CACNB2: variants seen among roughly 807,000 people sequenced by gnomAD.
CACNB2 encodes voltage-dependent L-type calcium channel subunit beta-2.
CACNB2 carries 42 observed loss-of-function variants against 73.3 expected under a neutral mutation model. The ratio of observed to expected loss-of-function variants is 0.57; its 90% CI spans 0.45 to 0.74. The LOEUF is 0.74. Among genes scored for constraint, CACNB2 ranks in the 30% least tolerant of loss-of-function variants. The pLI is 0.00. For synonymous variants in CACNB2, 348 were observed against 310.3 expected, an observed-to-expected ratio of 1.12 and a Z score of -1.28; for missense variants, 940 against 853.0, an observed-to-expected ratio of 1.10 and a Z score of -1.27.
intron 5 of CACNB2, among the ~76,000 whole-genome samples, chr10:18,501,631 G>C (rs552451872): frequency 6.6e-6 from 1 of 152,240 alleles, no homozygotes; most frequent in Non-Finnish European, 1.5e-5. Context: ...GTCTAAGGAC[G>C]CAGCATGCCT....
chr10:18,481,642 C>T (rs2048783886), intron 3 of CACNB2, among the ~76,000 whole-genome samples: 1 of 152,022 alleles, frequency 6.6e-6, no homozygotes, highest in Non-Finnish European at 1.5e-5. Context: ...CACCTAGTAG[C>T]AGCCAAGTCT....
At chr10:18,204,995 G>A (rs573599397) in intron 2 of CACNB2, among the ~76,000 whole-genome samples, 1 of 147,934 alleles carries the variant, frequency 6.8e-6, no homozygotes, top group Non-Finnish European at 1.5e-5. Context: ...AAAAAAAAAG[G>A]TCTGGCTTTC....
chr10:18,494,111 C>T (rs2049627442), intron 3 of CACNB2, among the ~76,000 whole-genome samples: 1 of 152,112 alleles, frequency 6.6e-6, no homozygotes, highest in Non-Finnish European at 1.5e-5. Context: ...AAAATTATTA[C>T]CTGTGGTCTC....
At chr10:18,217,786 G>A (rs576944024) in intron 2 of CACNB2, among the ~76,000 whole-genome samples, 35 of 152,048 alleles carry the variant, frequency 2.3e-4, no homozygotes, top group African/African-American at 7.7e-4. Context: ...TGTAGCTGGA[G>A]CAGAAAGAGG....
intron 3 of CACNB2, among the ~76,000 whole-genome samples, chr10:18,426,444 TTATC>T (rs2045603228): frequency 6.6e-6 from 1 of 152,246 alleles, no homozygotes; most frequent in Admixed American, 6.5e-5. Context: ...AGCTTTGTAT[TTATC>T]AGTCTTTCTA....
At chr10:18,193,784 T>G (rs949661051) in intron 2 of CACNB2, among the ~76,000 whole-genome samples, 5 of 152,206 alleles carry the variant, frequency 3.3e-5, no homozygotes, top group African/African-American at 7.2e-5. Flanking sequence ...TCAGTAAATA[T>G]GTATGCATCC....
intron 2 of CACNB2, among the ~76,000 whole-genome samples, chr10:18,401,469 T>C (rs959467645): frequency 5.3e-5 from 8 of 152,238 alleles, no homozygotes; most frequent in African/African-American, 1.2e-4. Context: ...GTGGGAATCA[T>C]GTCATGGTAG....
intron 2 of CACNB2, among the ~76,000 whole-genome samples, chr10:18,301,106 C>T (rs566570178): frequency 6.6e-6 from 1 of 152,238 alleles, no homozygotes; most frequent in South Asian, 2.1e-4. Flanking sequence ...GACTCGTGTT[C>T]GGAAGTGCAA....
Position 18,518,898 on chromosome 10 carries a change from G to C in CACNB2, c.886-12G>C. 1 of 1,611,884 alleles carries C rather than the reference G, an allele frequency of 6.2e-7. No individual in the cohort carries two copies. Among genetic ancestry groups the C allele is most frequent in the Non-Finnish European group, 8.5e-7 (1 of 1,178,148 alleles). ...TTGGTCATATCTTAATTTATTGCTT[G>C]CTCAATTGCAGGTCACAGATATGAT... On this transcript the variant is annotated splice_polypyrimidine_tract_variant and intron_variant, in intron 8 of 13. Transcript: ENST00000324631.
chr10:18,305,695 G>T (rs182664956), intron 2 of CACNB2, among the ~76,000 whole-genome samples: 1 of 152,222 alleles, frequency 6.6e-6, no homozygotes, highest in Non-Finnish European at 1.5e-5. Context: ...TGTAAGTGTT[G>T]GCTTCAGTAA....
At chr10:18,514,141 T>G (rs2051045405) in intron 6 of CACNB2, 95 bp from the exon 7 acceptor site, 1 of 1,360,400 alleles carries the variant, frequency 7.4e-7, no homozygotes. Context: ...GATAGTTTTT[T>G]TTACTATGGT....
chr10:18,224,264 G>A (rs2035901141), intron 2 of CACNB2: 1 of 150,964 alleles, frequency 6.6e-6, no homozygotes, highest in Admixed American at 6.6e-5. Context: ...TTTTTATCAG[G>A]CTTAAATATG....
chr10:18,258,963 G>A (rs1351214219), intron 2 of CACNB2, among the ~76,000 whole-genome samples: 1 of 151,552 alleles, frequency 6.6e-6, no homozygotes, highest in East Asian at 1.9e-4. Flanking sequence ...TTTTACTCTA[G>A]GTTTCTGATT....
intron 3 of CACNB2, among the ~76,000 whole-genome samples, chr10:18,430,254 A>G (rs2045819721): frequency 1.3e-5 from 2 of 152,164 alleles, no homozygotes; most frequent in Non-Finnish European, 2.9e-5. Flanking sequence ...ACGCGTCTAA[A>G]CACACAAACC....
intron 1 of CACNB2, among the ~76,000 whole-genome samples, chr10:18,142,804 G>T (rs536846939): frequency 1.3e-5 from 2 of 152,304 alleles, no homozygotes; most frequent in Non-Finnish European, 2.9e-5. Flanking sequence ...TGCCTTCAAA[G>T]AATTTATATT....
intron 3 of CACNB2, among the ~76,000 whole-genome samples, chr10:18,404,170 A>G (rs1290423167): frequency 2.0e-5 from 3 of 152,238 alleles, no homozygotes; most frequent in Non-Finnish European, 2.9e-5. Context: ...AATTAGGTCA[A>G]TATTTTAAAC....
rs77537106 is a variant in CACNB2, at chr10:18,500,736, G to T, written c.457-76G>T. The T allele has an allele frequency of 2.1e-6, 3 of 1,439,790 alleles. No homozygotes were observed. The South Asian group carries it at 3.4e-5, about 16-fold the overall frequency. The allele number at this position is 1,439,790 out of a possible 1,614,324, so 89.2% of individuals were successfully genotyped here. A position where few individuals can be genotyped will look rare whatever the true frequency, so the allele number is the denominator to read the frequency against. On this transcript the variant is annotated intron_variant, in intron 4 of 13. Coordinates refer to ENST00000324631, the MANE Select transcript of CACNB2 (RefSeq NM_201596.3). The stretch of plus-strand genomic sequence containing the variant: ...TAATGGTCATTGCCATATTTCTCTC[G>T]ACTGAAAATAGTGTGGAAGAACAAG...
chr10:18,467,630 T>C (rs947968905), intron 3 of CACNB2, among the ~76,000 whole-genome samples: 2 of 152,240 alleles, frequency 1.3e-5, no homozygotes, highest in East Asian at 1.9e-4. Context: ...GTAGGAGAAA[T>C]TGGAAAATAA....
At chr10:18,379,702 AG>A (rs2042936686) in intron 2 of CACNB2, among the ~76,000 whole-genome samples, 2 of 152,126 alleles carry the variant, frequency 1.3e-5, no homozygotes. Context: ...TTTCTGGACA[AG>A]GGGACAGGGT....
Sources: gnomAD v4.1 joint callset for allele counts (sites outside exome capture counted in the v4.1 genomes callset) on GRCh38, gnomAD v4.1.1 for gene constraint, MANE v1.5 for transcripts, NCBI Gene and HGNC (gene_info 2026-07-23, HGNC 2026-07-21) for gene names.